Variants in FILIP1L observed in about 807,000 individuals in gnomAD.
The protein encoded by FILIP1L is filamin A interacting protein 1 like, also known as filamin A-interacting protein 1-like.
FILIP1L carries 55 observed loss-of-function variants against 96.6 expected under a neutral mutation model. The observed-to-expected ratio is 0.57, with a 90% CI of 0.46 to 0.71. FILIP1L has a LOEUF of 0.71. Among genes scored for constraint, FILIP1L ranks in the 30% least tolerant of loss-of-function variants. The pLI is 0.00. For missense variants in FILIP1L, 1,304 were observed against 1,321.2 expected (o/e 0.99, Z 0.20); for synonymous variants, 467 against 473.9 (o/e 0.99, Z 0.19).
chr3:99,916,333 G>A (rs879363551), intron 4 of FILIP1L, among the ~76,000 whole-genome samples: 1 of 151,844 alleles, frequency 6.6e-6, no homozygotes, highest in Non-Finnish European at 1.5e-5. Context: ...CAGGTCTTTC[G>A]GCTACATGAC....
intron 1 of FILIP1L, among the ~76,000 whole-genome samples, chr3:99,967,056 G>A (rs2107711614): frequency 6.6e-6 from 1 of 152,212 alleles, no homozygotes; most frequent in East Asian, 1.9e-4. Flanking sequence ...GAAAGGATAT[G>A]GGGCAAGAAC....
intron 1 of FILIP1L, among the ~76,000 whole-genome samples, chr3:100,070,702 G>T (rs1224319255): frequency 6.6e-6 from 1 of 152,150 alleles, no homozygotes; most frequent in Non-Finnish European, 1.5e-5. Context: ...CGCAATCTCG[G>T]CTCACTGCAA....
chr3:99,961,956 A>G (rs916965783), intron 1 of FILIP1L, among the ~76,000 whole-genome samples: 1 of 152,164 alleles, frequency 6.6e-6, no homozygotes, highest in African/African-American at 2.4e-5. Context: ...CTTCTGATCT[A>G]TTAATAGCAG....
chr3:99,845,960 A>T (rs1318219525), intron 5 of FILIP1L, among the ~76,000 whole-genome samples: 1 of 152,228 alleles, frequency 6.6e-6, no homozygotes, highest in African/African-American at 2.4e-5. Flanking sequence ...AATCTGGAAC[A>T]AATGATTAAA....
chr3:99,963,494 T>TAGAAGGATAA, intron 1 of FILIP1L, among the ~76,000 whole-genome samples: 1 of 152,152 alleles, frequency 6.6e-6, no homozygotes, highest in South Asian at 2.1e-4. Flanking sequence ...AGCAACTGCT[T>TAGAAGGATAA]GAAAGTATTA....
At chr3:99,925,142 C>T (rs977966342) in intron 3 of FILIP1L, among the ~76,000 whole-genome samples, 1 of 152,162 alleles carries the variant, frequency 6.6e-6, no homozygotes, top group African/African-American at 2.4e-5. Flanking sequence ...TCTTGGATCG[C>T]TCTACCAGGA....
intron 1 of FILIP1L, among the ~76,000 whole-genome samples, chr3:99,988,350 A>C (rs958399343): frequency 6.0e-5 from 9 of 149,610 alleles, no homozygotes; most frequent in African/African-American, 1.5e-4. Flanking sequence ...CCAAAAAAAA[A>C]AAAAAAAAAA....
intron 4 of FILIP1L, among the ~76,000 whole-genome samples, chr3:99,915,630 T>TAA (rs938791437): frequency 2.0e-5 from 3 of 146,544 alleles, no homozygotes; most frequent in Non-Finnish European, 4.5e-5. Flanking sequence ...CTTAATGGTT[T>TAA]AAAAAAAAAA....
chr3:99,985,433 G>A (rs1390595910), intron 1 of FILIP1L, among the ~76,000 whole-genome samples: 3 of 152,086 alleles, frequency 2.0e-5, no homozygotes, highest in African/African-American at 4.8e-5. Context: ...GTTGAGGTGG[G>A]AGGATAGCTT....
intron 1 of FILIP1L, among the ~76,000 whole-genome samples, chr3:100,091,593 C>T (rs1200176253): frequency 6.6e-6 from 1 of 152,222 alleles, no homozygotes; most frequent in East Asian, 1.9e-4. Context: ...AACTTACGTG[C>T]CTGACTTACA....
intron 1 of FILIP1L, among the ~76,000 whole-genome samples, chr3:100,045,634 G>C (rs988347836): frequency 3.3e-5 from 5 of 152,052 alleles, no homozygotes; most frequent in Admixed American, 2.6e-4. Context: ...TCTTCATCTT[G>C]GTGGGTTCTC....
intron 1 of FILIP1L, among the ~76,000 whole-genome samples, chr3:100,018,735 CAAAAAA>C (rs61527233): frequency 8.3e-6 from 1 of 120,236 alleles, no homozygotes; most frequent in Non-Finnish European, 1.8e-5. Flanking sequence ...TTCCGCATAG[CAAAAAA>C]AAAAAAAAAA....
intron 1 of FILIP1L, among the ~76,000 whole-genome samples, chr3:99,953,008 G>T (rs1708222231): frequency 6.6e-6 from 1 of 152,098 alleles, no homozygotes; most frequent in South Asian, 2.1e-4. Context: ...TCTGAAGGTG[G>T]ATTTTCTCAT....
At chr3:99,876,009 T>G (rs1033136373) in intron 4 of FILIP1L, 1 of 976,854 alleles carries the variant, frequency 1.0e-6, no homozygotes, top group Admixed American at 6.1e-5. Context: ...ACCCACAGAC[T>G]TGCTACCTGG....
intron 3 of FILIP1L, among the ~76,000 whole-genome samples, chr3:99,927,588 C>T (rs549796584): frequency 1.3e-5 from 2 of 152,044 alleles, no homozygotes; most frequent in East Asian, 1.9e-4. Context: ...AGGCTGGTCT[C>T]GAATTCCCGA....
At chr3:99,831,926 G>A (rs1403613121) in intron 5 of FILIP1L, among the ~76,000 whole-genome samples, 4 of 152,110 alleles carry the variant, frequency 2.6e-5, no homozygotes, top group African/African-American at 9.7e-5. Context: ...AGCCTACCTG[G>A]GTATGCATAG....
At chr3:99,876,189 C>T (rs1054247788) in intron 4 of FILIP1L, 1 of 985,410 alleles carries the variant, frequency 1.0e-6, no homozygotes, top group Middle Eastern at 5.2e-4. Flanking sequence ...GGGCGCTGAG[C>T]GCGCCCGGCC....
intron 1 of FILIP1L, among the ~76,000 whole-genome samples, chr3:99,949,115 A>C (rs1161643079): frequency 6.6e-6 from 1 of 152,202 alleles, no homozygotes; most frequent in Non-Finnish European, 1.5e-5. Context: ...ATATTTCATA[A>C]ATGTGAAAGC....
chr3:99,855,430 G>A (rs1943914608), intron 4 of FILIP1L, among the ~76,000 whole-genome samples: 1 of 152,132 alleles, frequency 6.6e-6, no homozygotes, highest in Non-Finnish European at 1.5e-5. Flanking sequence ...GTGATGTGTT[G>A]CCAAGCAGTG....
Sources: allele counts gnomAD v4.1 joint callset (sites outside exome capture counted in the v4.1 genomes callset), GRCh38; gene constraint gnomAD v4.1.1; transcripts MANE v1.5; gene names NCBI Gene and HGNC (gene_info 2026-07-23, HGNC 2026-07-21).